Variants in FBXO25 observed in about 807,000 individuals in gnomAD.
The protein encoded by FBXO25 is F-box protein 25.
A neutral mutation model predicts 51.9 loss-of-function variants in FBXO25; 45 were observed. The ratio of observed to expected loss-of-function variants is 0.87; its 90% CI spans 0.68 to 1.11. The LOEUF (loss-of-function observed/expected upper bound fraction) is 1.11, where lower values mean the gene tolerates loss of function less well. Ranked by LOEUF, FBXO25 falls within the 50% of genes most tolerant of loss-of-function variation. FBXO25 has a pLI of 0.00. For synonymous variants in FBXO25, 199 were observed against 151.0 expected, an observed-to-expected ratio of 1.32 and a Z score of -2.33; for missense variants, 507 against 428.5, an observed-to-expected ratio of 1.18 and a Z score of -1.62.
rs1796963576 is a variant in FBXO25 at position 418,653 on chromosome 8, A to G, written c.134+5440A>G. ...CCGTTCCCGGCTTGTTTCTTTATTAAGTAAGAGAGCTCTTTCAAAAGAAAT... is the reference window on the plus strand; with the variant it reads ...CCGTTCCCGGCTTGTTTCTTTATTAGGTAAGAGAGCTCTTTCAAAAGAAAT... On this transcript the variant is annotated intron_variant, in intron 2 of 9. Coordinates refer to ENST00000350302, the MANE Select transcript of FBXO25 (RefSeq NM_183420.2). Among the ~76,000 whole-genome samples, 4 of 152,050 alleles carry G rather than the reference A, an allele frequency of 2.6e-5. No individual in the cohort carries two copies. The South Asian group carries it at 8.3e-4, about 32-fold the overall frequency.
At chr8:419,887 C>G (rs1379580806) in intron 2 of FBXO25, among the ~76,000 whole-genome samples, 1 of 151,980 alleles carries the variant, frequency 6.6e-6, no homozygotes, top group African/African-American at 2.4e-5. Flanking sequence ...GGTTAGTATC[C>G]AGAATAATAA....
chr8:464,402 G>T (rs1434137632), intron 9 of FBXO25, among the ~76,000 whole-genome samples: 1 of 152,222 alleles, frequency 6.6e-6, no homozygotes, highest in Admixed American at 6.5e-5. Flanking sequence ...TGGTCCTGGA[G>T]TGACCCTGCT....
chr8:419,558 T>C (rs1181492683), intron 2 of FBXO25, among the ~76,000 whole-genome samples: 1 of 152,124 alleles, frequency 6.6e-6, no homozygotes, highest in Non-Finnish European at 1.5e-5. Context: ...ATATATTCCA[T>C]GGAGAAAGTG....
At chr8:435,921 G>C (rs1329875157) in intron 5 of FBXO25, among the ~76,000 whole-genome samples, 1 of 152,210 alleles carries the variant, frequency 6.6e-6, no homozygotes, top group African/African-American at 2.4e-5. Flanking sequence ...CAGAGCCTCA[G>C]TGGGAGCAAA....
intron 3 of FBXO25, among the ~76,000 whole-genome samples, chr8:432,314 C>T (rs955971554): frequency 2.6e-5 from 4 of 152,106 alleles, no homozygotes; most frequent in Non-Finnish European, 5.9e-5. Flanking sequence ...TTCATGACAC[C>T]ACCCAGAATG....
At chr8:432,399 T>C (rs1274540648) in intron 3 of FBXO25, among the ~76,000 whole-genome samples, 1 of 152,204 alleles carries the variant, frequency 6.6e-6, no homozygotes, top group East Asian at 1.9e-4. Flanking sequence ...AACCTGACTG[T>C]GGGTAATTGA....
At chr8:467,609 G>T in intron 9 of FBXO25, 1 of 1,080,850 alleles carries the variant, frequency 9.3e-7, no homozygotes, top group East Asian at 2.4e-5. Flanking sequence ...TAAATAATAT[G>T]AATCAAACCT....
intron 7 of FBXO25, among the ~76,000 whole-genome samples, chr8:454,629 C>T (rs544947928): frequency 2.0e-5 from 3 of 152,172 alleles, no homozygotes; most frequent in South Asian, 2.1e-4. Flanking sequence ...CGATGGCTCA[C>T]GCCAGTAGTC....
intron 7 of FBXO25, among the ~76,000 whole-genome samples, chr8:454,010 G>T (rs1231403088): frequency 6.6e-6 from 1 of 152,112 alleles, no homozygotes; most frequent in African/African-American, 2.4e-5. Context: ...TGTAGTCACA[G>T]CTACTCGGGA....
At chr8:441,315 G>A (rs1221090950) in intron 5 of FBXO25, among the ~76,000 whole-genome samples, 1 of 152,170 alleles carries the variant, frequency 6.6e-6, no homozygotes, top group Non-Finnish European at 1.5e-5. Flanking sequence ...CTAGCCATAT[G>A]CAAAAAACTG....
rs772756056 is a variant in FBXO25, at chr8:451,464, C to T, written c.660+11C>T. The T allele has an allele frequency of 6.2e-7, 1 of 1,611,266 alleles. No homozygotes were observed. Among genetic ancestry groups the T allele is most frequent in the Admixed American group, 1.7e-5 (1 of 59,316 alleles). ...CTTCAGATGACTAAGGTATAAATAT[C>T]TCGGCATAAGAGTTATTACACTCTG... On this transcript the variant is annotated intron_variant, in intron 7 of 9. Coordinates refer to ENST00000350302, the MANE Select transcript of FBXO25 (RefSeq NM_183420.2).
In FBXO25 at chr8:475,125, AT is replaced by A; in HGVS notation, c.*6326del. On this transcript the variant is annotated 3_prime_UTR_variant, in exon 10 of 10. Transcript: ENST00000350302. Reference sequence around the variant, plus strand: ...TAGTTTAGGCCTTTGATCTATTTTAATTTTTATATATGGTGTGAGGTAGATC... The same window carrying A: ...TAGTTTAGGCCTTTGATCTATTTTAATTTTATATATGGTGTGAGGTAGATC... 1 of 360,976 alleles carries A rather than the reference AT, an allele frequency of 2.8e-6. No individual in the cohort carries two copies. The highest frequency in any genetic ancestry group is 7.4e-5 in the East Asian group (1 of 13,536). 22.4% of individuals were successfully genotyped at this position (360,976 alleles called of 1,614,324 possible).
chr8:434,256 G>A (rs1370229191), intron 4 of FBXO25, among the ~76,000 whole-genome samples: 1 of 152,168 alleles, frequency 6.6e-6, no homozygotes, highest in Non-Finnish European at 1.5e-5. Flanking sequence ...GTTACATGCT[G>A]TGGTTCTAGG....
Position 471,031 on chromosome 8 carries a change from G to T in FBXO25, c.*2227G>T, listed in dbSNP as rs113393450. On this transcript the variant is annotated 3_prime_UTR_variant, in exon 10 of 10. Coordinates refer to ENST00000350302, the MANE Select transcript of FBXO25 (RefSeq NM_183420.2). ...TTGTTAGATGTTATAACAGTTCTCA[G>T]CTGTGCTATCAAATCACAGATGTGC... is the stretch of plus-strand genomic sequence containing the variant. 6.6e-6 allele frequency: 1 copy of T among 152,152 alleles called. No homozygotes were observed. The highest frequency in any genetic ancestry group is 2.4e-5 in the African/African-American group (1 of 41,436). The allele number at this position is 152,152 out of a possible 1,614,324, so 9.4% of individuals were successfully genotyped here.
chr8:432,349 G>C (rs1214576743), intron 3 of FBXO25, among the ~76,000 whole-genome samples: 1 of 152,072 alleles, frequency 6.6e-6, no homozygotes, highest in East Asian at 1.9e-4. Context: ...ACTTATGAAT[G>C]GTTTATTTCT....
intron 2 of FBXO25, among the ~76,000 whole-genome samples, chr8:415,799 A>G (rs1415692403): frequency 1.3e-5 from 2 of 152,234 alleles, no homozygotes; most frequent in African/African-American, 4.8e-5. Context: ...CAGAAATTGT[A>G]TGATTCCTAT....
intron 5 of FBXO25, among the ~76,000 whole-genome samples, chr8:446,306 A>G (rs1433292669): frequency 6.6e-6 from 1 of 152,128 alleles, no homozygotes; most frequent in African/African-American, 2.4e-5. Context: ...AGAAACAGGC[A>G]TGTGTAACTC....
chr8:423,575 T>G (rs1436495751), intron 2 of FBXO25, among the ~76,000 whole-genome samples: 1 of 152,224 alleles, frequency 6.6e-6, no homozygotes, highest in African/African-American at 2.4e-5. Flanking sequence ...ATTAATTTGC[T>G]TAGAATTAAG....
In FBXO25 at chr8:433,068, C is replaced by G. The variant is rs957015437; in HGVS notation, c.288+133C>G. ...CAATATCAGATCTATGGTTCACATT[C>G]TGACAGATAATAGCATATGAGGAGC... On this transcript the variant is annotated intron_variant, in intron 4 of 9. Transcript: ENST00000350302. The G allele has an allele frequency of 3.2e-5, 38 of 1,201,058 alleles. No individual in the cohort carries two copies. In the African/African-American group the frequency reaches 5.5e-4, roughly 17 times the overall value. 74.4% of individuals were successfully genotyped at this position (1,201,058 alleles called of 1,614,324 possible). A position where few individuals can be genotyped will look rare whatever the true frequency, so the allele number is the denominator to read the frequency against.
Sources: gnomAD v4.1 joint callset for allele counts (sites outside exome capture counted in the v4.1 genomes callset) on GRCh38, gnomAD v4.1.1 for gene constraint, MANE v1.5 for transcripts, NCBI Gene and HGNC (gene_info 2026-07-23, HGNC 2026-07-21) for gene names.